NEUROD1: variants seen among roughly 807,000 people sequenced by gnomAD.
NEUROD1 encodes neurogenic differentiation factor 1.
Under a neutral mutation model 21.8 loss-of-function variants are expected in NEUROD1, and 9 were observed. The ratio of observed to expected loss-of-function variants is 0.41; its 90% confidence interval spans 0.25 to 0.72. The LOEUF is 0.72. Among genes scored for constraint, NEUROD1 ranks in the 30% least tolerant of loss-of-function variants. The pLI is 0.31. For missense variants in NEUROD1, 434 were observed against 468.8 expected (o/e 0.93, Z 0.69); for synonymous variants, 199 against 186.2 (o/e 1.07, Z -0.56).
rs150899904 is a variant in NEUROD1 at position 181,680,018 on chromosome 2, G to T, written c.-12+412C>A. Among the ~76,000 whole-genome samples, 452 of 152,194 alleles carry T rather than the reference G, an allele frequency of 3.0e-3. 4 individuals are homozygous for T. The highest frequency in any genetic ancestry group is 0.01 in the African/African-American group (422 of 41,522). On this transcript the variant is annotated intron_variant, in intron 1 of 1. Transcript: ENST00000295108. ...CTTTCATTCACTGAAAACACAGCTT[G>T]ACACTCCCAATGTGCGTAAAATACA...
intron 1 of NEUROD1, among the ~76,000 whole-genome samples, chr2:181,679,376 C>T (rs1000553605): frequency 6.6e-6 from 1 of 152,136 alleles, no homozygotes; most frequent in South Asian, 2.1e-4. Context: ...TTTACTAATA[C>T]TGGCAGCGAT....
In NEUROD1 at chr2:181,677,852, C is replaced by T. The variant is rs752873809; in HGVS notation, c.1009G>A (p.Asp337Asn). Reference sequence around the variant, plus strand: ...ACTCGCTCATGATGTGAATGGCTATCGAAGGACATAATATTGTCTATGGGG... The same window carrying T: ...ACTCGCTCATGATGTGAATGGCTATTGAAGGACATAATATTGTCTATGGGG... Reference protein sequence around the residue: ...EIPIDNIMSFDSHSHHERVMS... With the variant: ...EIPIDNIMSFNSHSHHERVMS... Residue 337 changes from aspartate (D) to asparagine (N), a missense_variant, in exon 2 of 2, where the codon GAT (aspartate) becomes AAT (asparagine). By Grantham distance (23) the Asp-to-Asn change is conservative. Transcript: ENST00000295108. 1 of 1,614,102 alleles carries T rather than the reference C, an allele frequency of 6.2e-7. No individual in the cohort carries two copies. The highest frequency in any genetic ancestry group is 1.1e-5 in the South Asian group (1 of 91,078).
At chr2:181,669,814 T>C (rs1210718473), downstream of NEUROD1, among the ~76,000 whole-genome samples, 2 of 152,162 alleles carry the variant, frequency 1.3e-5, no homozygotes, top group Admixed American at 6.5e-5. Context: ...CCAAAACTTA[T>C]AATGAAATAC....
rs35681168 is a variant in NEUROD1 at position 181,679,269 on chromosome 2, TAA to T, written c.-11-400_-11-399del. ...GTGTTCAAAGTTACTCACAACTCCA[TAA>T]AAAAAAAAAAAAGCTGTAAAATCAC... On this transcript the variant is annotated intron_variant, in intron 1 of 1. Coordinates refer to ENST00000295108, the MANE Select transcript of NEUROD1 (RefSeq NM_002500.5). Among the ~76,000 whole-genome samples the T allele has an allele frequency of 9.9e-3, 1,360 of 136,862 alleles. 23 individuals carry two copies. The highest frequency in any genetic ancestry group is 0.032 in the African/African-American group (1,234 of 38,606). The allele number at this position is 136,862 out of a possible 152,430, so 89.8% of individuals were successfully genotyped here. A position where few individuals can be genotyped will look rare whatever the true frequency, so the allele number is the denominator to read the frequency against.
downstream of NEUROD1, among the ~76,000 whole-genome samples, chr2:181,672,502 C>T (rs1407334714): frequency 2.0e-5 from 3 of 152,206 alleles, no homozygotes; most frequent in African/African-American, 4.8e-5. Flanking sequence ...CTCTGTTTCT[C>T]AGGTGCTCAG....
intron 1 of NEUROD1, among the ~76,000 whole-genome samples, chr2:181,679,269 T>TAAA (rs35681168): frequency 4.4e-5 from 6 of 136,922 alleles, no homozygotes; most frequent in East Asian, 2.1e-4. Flanking sequence ...CACAACTCCA[T>TAAA]AAAAAAAAAA....
At chr2:181,669,503 C>T (rs1467557685), downstream of NEUROD1, among the ~76,000 whole-genome samples, 1 of 152,132 alleles carries the variant, frequency 6.6e-6, no homozygotes. Flanking sequence ...GCACATGTCT[C>T]TGTTGATATT....
At chr2:181,680,030 G>T (rs1475836810) in intron 1 of NEUROD1, among the ~76,000 whole-genome samples, 2 of 152,146 alleles carry the variant, frequency 1.3e-5, no homozygotes, top group Admixed American at 6.5e-5. Context: ...CACTCCCAAT[G>T]TGCGTAAAAT....
chr2:181,673,806 T>C (rs911334035), downstream of NEUROD1, among the ~76,000 whole-genome samples: 24 of 152,186 alleles, frequency 1.6e-4, no homozygotes, highest in African/African-American at 5.3e-4. Flanking sequence ...CCATATATCA[T>C]TTTAGTAATT....
downstream of NEUROD1, among the ~76,000 whole-genome samples, chr2:181,670,119 A>G (rs1688477492): frequency 6.6e-6 from 1 of 152,224 alleles, no homozygotes; most frequent in African/African-American, 2.4e-5. Flanking sequence ...CAAAAGCTCT[A>G]TTAATATATA....
At chr2:181,668,555 G>A (rs536697587), downstream of NEUROD1, among the ~76,000 whole-genome samples, 1 of 152,128 alleles carries the variant, frequency 6.6e-6, no homozygotes, top group East Asian at 1.9e-4. Context: ...AGTTCGTTAG[G>A]TATTTTTTCT....
rs924861174 is a variant in NEUROD1, at chr2:181,677,301, G to A, written c.*489C>T. 6.6e-6 allele frequency: 1 copy of A among 151,518 alleles called. No individual in the cohort carries two copies. The highest frequency in any genetic ancestry group is 2.4e-5 in the African/African-American group (1 of 41,146). The allele number at this position is 151,518 out of a possible 1,614,324, so 9.4% of individuals were successfully genotyped here. ...GATGAAGCTGCATGGTTTTAAAATA[G>A]GAAATCCACATTATAAAAAGTCATT... On this transcript the variant is annotated 3_prime_UTR_variant, in exon 2 of 2. Coordinates refer to ENST00000295108, the MANE Select transcript of NEUROD1 (RefSeq NM_002500.5).
In NEUROD1 at chr2:181,678,708, GTCC is replaced by G. The variant is rs1165939921; in HGVS notation, c.150_152del (p.Glu50del). On this transcript the variant is annotated inframe_deletion, in exon 2 of 2. Transcript: ENST00000295108. This position sits in a 1 kb window ranked among gnomAD's most constrained non-coding sequence, Gnocchi z 5.5. ...CCTCCTCTCCCCCGTTCCTCAGTGA[GTCC>G]TCCTCTGCGTTCATGGTTTCGAGGT... The G allele has an allele frequency of 1.7e-5, 28 of 1,611,892 alleles. No homozygotes were observed. The highest frequency in any genetic ancestry group is 2.3e-5 in the Non-Finnish European group (27 of 1,178,926).
downstream of NEUROD1, among the ~76,000 whole-genome samples, chr2:181,671,627 C>T (rs1252339301): frequency 6.6e-6 from 1 of 152,064 alleles, no homozygotes; most frequent in African/African-American, 2.4e-5. Flanking sequence ...CACGAGGTTT[C>T]ACCATATTGC....
At chr2:181,673,579 C>G (rs1055962321), downstream of NEUROD1, 19 of 152,084 alleles carry the variant, frequency 1.2e-4, no homozygotes, top group Admixed American at 3.3e-4. Flanking sequence ...AGATGATTTT[C>G]AGGAAATAAG....
chr2:181,672,855 T>C (rs1324179985), downstream of NEUROD1, among the ~76,000 whole-genome samples: 1 of 152,242 alleles, frequency 6.6e-6, no homozygotes, highest in Non-Finnish European at 1.5e-5. Flanking sequence ...GCCATCTCTC[T>C]GGTTGGCTGT....
chr2:181,670,857 A>G (rs1688487524), exon 2 of NEUROD1, among the ~76,000 whole-genome samples: 1 of 152,150 alleles, frequency 6.6e-6, no homozygotes, highest in South Asian at 2.1e-4. Flanking sequence ...TTTAGGGCCC[A>G]CCGTAATCCA....
rs1161649502 is a variant in NEUROD1, at chr2:181,678,334, A to G, written c.527T>C (p.Leu176Ser). 2 of 1,614,140 alleles carry G rather than the reference A, an allele frequency of 1.2e-6. No individual in the cohort carries two copies. The highest frequency in any genetic ancestry group is 2.2e-5 in the South Asian group (2 of 91,082). The change falls in exon 2 of 2, where the codon TTA becomes TCA. Residue 176 changes from leucine (L) to serine (S), a missense_variant. Leu to Ser is a moderately radical substitution (Grantham distance 145). Coordinates refer to ENST00000295108, the MANE Select transcript of NEUROD1 (RefSeq NM_002500.5). The surrounding 1 kb of genome is among the most constrained non-coding windows in gnomAD (Gnocchi z 5.5). ...AACCAGGTTGGTGGTGGGTTGGGAT[A>G]AGCCCTTGCAAAGCGTCTGAACGAA... ...VSFVQTLCKGLSQPTTNLVAG... is the reference protein window; with the variant it reads ...VSFVQTLCKGSSQPTTNLVAG...
chr2:181,671,025 GCACACACACACACA>G (rs71004600), exon 2 of NEUROD1, among the ~76,000 whole-genome samples: 7 of 146,706 alleles, frequency 4.8e-5, no homozygotes, highest in East Asian at 2.0e-4. Context: ...GCATATGTGT[GCACACACACACACA>G]CACACACACA....
Sources: gnomAD v4.1 joint callset for allele counts (sites outside exome capture counted in the v4.1 genomes callset) on GRCh38, gnomAD v4.1.1 for gene constraint, Gnocchi (gnomAD v3.1) non-coding constraint, MANE v1.5 for transcripts, NCBI Gene and HGNC (gene_info 2026-07-23, HGNC 2026-07-21) for gene names.